Variants in SLX4IP observed in about 807,000 individuals in gnomAD.
SLX4IP encodes the protein SLX4 interacting protein.
Under a neutral mutation model 32.9 loss-of-function variants are expected in SLX4IP, and 34 were observed. The observed-to-expected ratio is 1.03, with a 90% CI of 0.79 to 1.38. The LOEUF (loss-of-function observed/expected upper bound fraction) is 1.38. Among genes scored for constraint, SLX4IP ranks in the 40% most tolerant of loss-of-function variants. SLX4IP has a pLI of 0.00. For synonymous variants in SLX4IP, 172 were observed against 171.7 expected (o/e 1.00, Z -0.01); for missense variants, 444 against 479.0 (o/e 0.93, Z 0.68).
chr20:10,459,340 T>C (rs1348281748), intron 2 of SLX4IP, among the ~76,000 whole-genome samples: 1 of 152,250 alleles, frequency 6.6e-6, no homozygotes, highest in African/African-American at 2.4e-5. Flanking sequence ...ATAGTTTCTT[T>C]TGCTGTGCAG....
At chr20:10,532,469 C>T (rs2065997901) in intron 2 of SLX4IP, among the ~76,000 whole-genome samples, 1 of 152,076 alleles carries the variant, frequency 6.6e-6, no homozygotes, top group Admixed American at 6.6e-5. Flanking sequence ...ATGGGAAGGA[C>T]CTGATTGTAG....
At chr20:10,456,382 C>G (rs907952530) in intron 1 of SLX4IP, among the ~76,000 whole-genome samples, 1 of 152,132 alleles carries the variant, frequency 6.6e-6, no homozygotes, top group Non-Finnish European at 1.5e-5. Context: ...TGCTCTGTCA[C>G]CCAGGGTGGA....
intron 4 of SLX4IP, among the ~76,000 whole-genome samples, chr20:10,582,845 G>A (rs1237365255): frequency 1.3e-5 from 2 of 151,900 alleles, no homozygotes; most frequent in African/African-American, 4.8e-5. Context: ...TCAGGGTTAG[G>A]AAATTACCTA....
intron 2 of SLX4IP, among the ~76,000 whole-genome samples, chr20:10,497,613 C>T (rs1192504557): frequency 6.6e-6 from 1 of 151,938 alleles, no homozygotes; most frequent in Non-Finnish European, 1.5e-5. Flanking sequence ...AGCATTATCT[C>T]TTTCTGTATT....
chr20:10,535,069 A>G (rs1249160040), intron 2 of SLX4IP, among the ~76,000 whole-genome samples: 1 of 152,124 alleles, frequency 6.6e-6, no homozygotes, highest in Non-Finnish European at 1.5e-5. Context: ...AGGGCATGGC[A>G]TGATCGCTCT....
At chr20:10,541,401 C>T (rs1217874439) in intron 2 of SLX4IP, among the ~76,000 whole-genome samples, 1 of 152,144 alleles carries the variant, frequency 6.6e-6, no homozygotes, top group African/African-American at 2.4e-5. Context: ...TTTAGTCTCT[C>T]ACTAAAATAA....
intron 4 of SLX4IP, among the ~76,000 whole-genome samples, chr20:10,595,139 T>G (rs1417753461): frequency 6.6e-6 from 1 of 152,026 alleles, no homozygotes; most frequent in Non-Finnish European, 1.5e-5. Context: ...TGATACTAGA[T>G]GATTGTGTTA....
At chr20:10,614,673 A>G (rs1425609323) in intron 6 of SLX4IP, among the ~76,000 whole-genome samples, 2 of 152,264 alleles carry the variant, frequency 1.3e-5, no homozygotes, top group East Asian at 3.9e-4. Flanking sequence ...TTACCATCCC[A>G]TGTTGTGTGT....
chr20:10,484,378 C>T (rs1474816175), intron 2 of SLX4IP, among the ~76,000 whole-genome samples: 1 of 152,128 alleles, frequency 6.6e-6, no homozygotes, highest in Non-Finnish European at 1.5e-5. Flanking sequence ...TTCACTTCCT[C>T]CTTTAGCTAG....
At chr20:10,560,894 T>C (rs139067448) in intron 4 of SLX4IP, 74 bp downstream of exon 4, 37,289 of 1,345,504 alleles carry the variant, frequency 0.028, 699 homozygotes, top group Admixed American at 0.098. Context: ...CAATTATGTT[T>C]GACTCTGACT....
At chr20:10,486,522 T>C (rs1159580387) in intron 2 of SLX4IP, among the ~76,000 whole-genome samples, 2 of 152,180 alleles carry the variant, frequency 1.3e-5, no homozygotes, top group African/African-American at 4.8e-5. Context: ...TTTTAATTCC[T>C]ACATACATAC....
chr20:10,506,508 T>C (rs772563661), intron 2 of SLX4IP, among the ~76,000 whole-genome samples: 44 of 152,216 alleles, frequency 2.9e-4, no homozygotes, highest in Admixed American at 5.9e-4. Context: ...TTATGTTGTT[T>C]GCTCAAACTC....
chr20:10,440,837 G>A (rs1600873609), intron 1 of SLX4IP, among the ~76,000 whole-genome samples: 1 of 152,122 alleles, frequency 6.6e-6, no homozygotes, highest in African/African-American at 2.4e-5. Context: ...TTGATCATGT[G>A]CTGTTTGCTT....
At chr20:10,528,108 T>C (rs1798327564) in intron 2 of SLX4IP, among the ~76,000 whole-genome samples, 3 of 152,188 alleles carry the variant, frequency 2.0e-5, no homozygotes, top group Non-Finnish European at 4.4e-5. Flanking sequence ...GTGTAACCAT[T>C]TGTCAGGTAA....
chr20:10,437,376 A>G (rs2065123841), intron 1 of SLX4IP, among the ~76,000 whole-genome samples: 4 of 152,246 alleles, frequency 2.6e-5, no homozygotes, highest in Admixed American at 2.6e-4. Flanking sequence ...CTTTAAAAAC[A>G]GACTCCAGCC....
At chr20:10,584,412 C>T (rs1240477930) in intron 4 of SLX4IP, among the ~76,000 whole-genome samples, 2 of 152,164 alleles carry the variant, frequency 1.3e-5, no homozygotes, top group African/African-American at 4.8e-5. Context: ...TATTCACTGA[C>T]AGAACTTACA....
chr20:10,597,152 T>C (rs879018442), intron 4 of SLX4IP, among the ~76,000 whole-genome samples: 3 of 152,172 alleles, frequency 2.0e-5, no homozygotes, highest in Admixed American at 6.5e-5. Flanking sequence ...ACTTCTTTAA[T>C]TGTATTCTTT....
intron 2 of SLX4IP, among the ~76,000 whole-genome samples, chr20:10,486,023 G>C (rs1326814985): frequency 1.3e-5 from 2 of 151,970 alleles, no homozygotes; most frequent in African/African-American, 4.8e-5. Context: ...GGCACCCTCG[G>C]TATAACATTA....
chr20:10,507,192 T>G (rs1463054546), intron 2 of SLX4IP, among the ~76,000 whole-genome samples: 1 of 152,202 alleles, frequency 6.6e-6, no homozygotes, highest in Non-Finnish European at 1.5e-5. Flanking sequence ...GGCCAGTGCC[T>G]TTGACAAGCA....
Sources: gnomAD v4.1 joint callset for allele counts (sites outside exome capture counted in the v4.1 genomes callset) on GRCh38, gnomAD v4.1.1 for gene constraint, MANE v1.5 for transcripts, NCBI Gene and HGNC (gene_info 2026-07-23, HGNC 2026-07-21) for gene names.